Variants in STPG2 observed in about 807,000 individuals in gnomAD.
STPG2 encodes sperm-tail PG-rich repeat-containing protein 2.
A neutral mutation model predicts 54.2 loss-of-function variants in STPG2; 56 were observed. That is an observed-to-expected ratio of 1.03 (90% CI 0.83 to 1.29). The LOEUF (loss-of-function observed/expected upper bound fraction) is 1.29. Among genes scored for constraint, STPG2 ranks in the 50% most tolerant of loss-of-function variants. STPG2 has a pLI of 0.00. For synonymous variants in STPG2, 200 were observed against 181.8 expected, an observed-to-expected ratio of 1.10 and a Z score of -0.81; for missense variants, 596 against 544.9, an observed-to-expected ratio of 1.09 and a Z score of -0.93.
intron 8 of STPG2, among the ~76,000 whole-genome samples, chr4:97,846,589 C>A (rs1728958022): frequency 7.1e-6 from 1 of 140,922 alleles, no homozygotes; most frequent in Non-Finnish European, 1.5e-5. Context: ...GGTGCCACTG[C>A]ACTCCAGACT....
At chr4:97,497,188 T>A (rs1730629045) in intron 4 of STPG2, among the ~76,000 whole-genome samples, 1 of 151,722 alleles carries the variant, frequency 6.6e-6, no homozygotes, top group Non-Finnish European at 1.5e-5. Flanking sequence ...GCAGGCAGCA[T>A]ATACACTAAC....
chr4:97,976,763 C>T (rs534339101), intron 6 of STPG2, among the ~76,000 whole-genome samples: 13 of 152,182 alleles, frequency 8.5e-5, no homozygotes, highest in South Asian at 2.1e-4. Flanking sequence ...TTCTAGATTA[C>T]GTTTTAGAGG....
intron 9 of STPG2, among the ~76,000 whole-genome samples, chr4:97,806,778 T>G (rs899294662): frequency 1.3e-5 from 2 of 152,196 alleles, no homozygotes; most frequent in African/African-American, 4.8e-5. Context: ...GAAATATCTT[T>G]GCACTTCTTT....
chr4:98,066,609 A>G (rs962594193), intron 5 of STPG2, among the ~76,000 whole-genome samples: 3 of 152,140 alleles, frequency 2.0e-5, no homozygotes, highest in African/African-American at 7.2e-5. Flanking sequence ...TAAAATAAAA[A>G]AAGAGCTTAT....
intron 8 of STPG2, among the ~76,000 whole-genome samples, chr4:97,842,177 T>C (rs540409352): frequency 1.3e-5 from 2 of 151,536 alleles, no homozygotes; most frequent in Non-Finnish European, 3.0e-5. Context: ...TATGGTAAGA[T>C]CATGACTAGG....
intron 10 of STPG2, among the ~76,000 whole-genome samples, chr4:97,696,801 A>C (rs539672887): frequency 6.6e-6 from 1 of 152,346 alleles, no homozygotes; most frequent in African/African-American, 2.4e-5. Flanking sequence ...ACTAATTATC[A>C]GGGAAATCCA....
intron 9 of STPG2, among the ~76,000 whole-genome samples, chr4:97,791,246 T>G (rs184650175): frequency 6.6e-6 from 1 of 152,188 alleles, no homozygotes; most frequent in Non-Finnish European, 1.5e-5. Context: ...TTCAAACATA[T>G]AGGAATTGTT....
chr4:97,754,423 T>C (rs1725669857), intron 9 of STPG2, among the ~76,000 whole-genome samples: 1 of 152,126 alleles, frequency 6.6e-6, no homozygotes, highest in Non-Finnish European at 1.5e-5. Context: ...GCTCCTATGC[T>C]CAGCTCATCA....
chr4:98,014,899 T>C (rs1201311673), intron 5 of STPG2, among the ~76,000 whole-genome samples: 1 of 152,200 alleles, frequency 6.6e-6, no homozygotes, highest in East Asian at 1.9e-4. Context: ...GTTGACATTT[T>C]TTTTCTTTCA....
chr4:97,454,820 G>C (rs1729475162), intron 4 of STPG2, among the ~76,000 whole-genome samples: 1 of 152,080 alleles, frequency 6.6e-6, no homozygotes, highest in Non-Finnish European at 1.5e-5. Flanking sequence ...AAGAAAGCCA[G>C]TAAAGTCTTT....
At chr4:97,576,900 A>G (rs1202918958) in intron 10 of STPG2, among the ~76,000 whole-genome samples, 1 of 152,156 alleles carries the variant, frequency 6.6e-6, no homozygotes, top group Non-Finnish European at 1.5e-5. Context: ...CAATTGAACA[A>G]GTAAAAAGCA....
At chr4:97,548,361 C>T (rs762008585) in intron 4 of STPG2, among the ~76,000 whole-genome samples, 1 of 151,966 alleles carries the variant, frequency 6.6e-6, no homozygotes, top group Admixed American at 6.6e-5. Flanking sequence ...AAACAAAAAA[C>T]GAAACAAAAC....
chr4:97,791,920 A>T (rs1310711540), intron 9 of STPG2, among the ~76,000 whole-genome samples: 1 of 152,162 alleles, frequency 6.6e-6, no homozygotes. Flanking sequence ...AAGGAAAAAA[A>T]ATTACATTGG....
intron 3 of STPG2, among the ~76,000 whole-genome samples, chr4:98,126,119 G>A (rs754046992): frequency 3.3e-5 from 5 of 152,228 alleles, no homozygotes; most frequent in Non-Finnish European, 7.3e-5. Flanking sequence ...AGGCAGCAGA[G>A]ATTCCAAGCC....
chr4:97,830,653 A>G (rs13101304), intron 9 of STPG2, among the ~76,000 whole-genome samples: 3,825 of 152,256 alleles, frequency 0.025, 66 homozygotes, highest in Non-Finnish European at 0.035. Context: ...AGACACACAT[A>G]GGCTCAAAAT....
intron 8 of STPG2, among the ~76,000 whole-genome samples, chr4:97,849,713 A>G (rs1020218566): frequency 8.6e-5 from 13 of 151,886 alleles, no homozygotes; most frequent in Admixed American, 7.2e-4. Context: ...AATCAAAACC[A>G]CTATGAGATA....
chr4:97,776,172 T>G (rs1560522845), intron 9 of STPG2, among the ~76,000 whole-genome samples: 1 of 152,252 alleles, frequency 6.6e-6, no homozygotes, highest in African/African-American at 2.4e-5. Context: ...TCATTTTACA[T>G]GTATGTATAT....
chr4:97,991,358 G>A (rs1280847535), intron 5 of STPG2, among the ~76,000 whole-genome samples: 2 of 150,452 alleles, frequency 1.3e-5, no homozygotes, highest in Non-Finnish European at 3.0e-5. Context: ...ATATATGTGT[G>A]TGTGGTGTAT....
intron 7 of STPG2, among the ~76,000 whole-genome samples, chr4:97,954,299 G>A (rs1733585740): frequency 1.3e-5 from 2 of 152,180 alleles, no homozygotes; most frequent in Admixed American, 1.3e-4. Flanking sequence ...ACCTCTGAGA[G>A]GTGAGCTACT....
Sources: allele counts gnomAD v4.1 joint callset (sites outside exome capture counted in the v4.1 genomes callset), GRCh38; gene constraint gnomAD v4.1.1; transcripts MANE v1.5; gene names NCBI Gene and HGNC (gene_info 2026-07-23, HGNC 2026-07-21).